CSMD2: variants seen among roughly 807,000 people sequenced by gnomAD.
CSMD2 encodes CUB and Sushi multiple domains 2.
Under a neutral mutation model 398.5 loss-of-function variants are expected in CSMD2, and 130 were observed. That is an observed-to-expected ratio of 0.33 (90% confidence interval 0.28 to 0.38). The LOEUF (loss-of-function observed/expected upper bound fraction) is 0.38, where lower values mean the gene tolerates loss of function less well. CSMD2 is among the 10% of genes least tolerant of loss of function. The pLI, the probability that CSMD2 is intolerant of heterozygous loss-of-function variation, is 1.00. For missense variants in CSMD2, 3,829 were observed against 4,764.9 expected, an observed-to-expected ratio of 0.80 and a Z score of 5.78; for synonymous variants, 1,828 against 1,908.5, an observed-to-expected ratio of 0.96 and a Z score of 1.10.
In CSMD2 at chr1:33,623,376, A is replaced by T. The variant is rs1042765213; in HGVS notation, c.5716T>A (p.Phe1906Ile). The T allele has an allele frequency of 6.2e-7, 1 of 1,613,848 alleles. No homozygotes were observed. Among genetic ancestry groups the T allele is most frequent in the African/African-American group, 1.3e-5 (1 of 74,922 alleles). ...ADNTVTMLGS[F>I]SGTTVPALLN... ...CCCTGGAAACCCAGCTTACCTGAGA[A>T]ACTCCCCAGCATGGTTACAGTGTTA... is the stretch of plus-strand genomic sequence containing the variant. The change falls in exon 36 of 71, where the codon TTC (phenylalanine) becomes ATC (isoleucine). Residue 1906 changes from phenylalanine (F) to isoleucine (I), a missense_variant. Physicochemically the swap from Phe to Ile is conservative, Grantham distance 21. Coordinates refer to ENST00000373381, the MANE Select transcript of CSMD2 (RefSeq NM_001281956.2).
In CSMD2 at chr1:34,113,998, C is replaced by T. The variant is rs139320174; in HGVS notation, c.188-24805G>A. Among the ~76,000 whole-genome samples the T allele has an allele frequency of 5.9e-3, 901 of 152,178 alleles. 14 individuals are homozygous for T. Among genetic ancestry groups the T allele is most frequent in the African/African-American group, 0.021 (858 of 41,506 alleles). ...GGTTTCTGTCTCACCTGACAGAAAC[C>T]AGAGTGCTGATGGGGAACCAGCATA... On this transcript the variant is annotated intron_variant, in intron 1 of 70. Transcript: ENST00000373381.
rs747120351 is a variant in CSMD2, at chr1:33,577,483, G to A, written c.7389C>T (p.Ala2463=). 41 of 1,605,434 alleles carry A rather than the reference G, an allele frequency of 2.6e-5. No individual in the cohort carries two copies. In the South Asian group the frequency reaches 4.2e-4, roughly 16 times the overall value. Residue 2463 remains alanine (A), a splice_region_variant and synonymous_variant, in exon 49 of 71, where the codon GCC becomes GCT. Coordinates refer to ENST00000373381, the MANE Select transcript of CSMD2 (RefSeq NM_001281956.2). ...GAGCCCTGGGCAGGCTGCAGTAAGG[G>A]GCTGAACAACAAGATGAGGTTCAGG... ...NRKGFKIRYS[A]PYCSLPRAPL...
At chr1:34,065,737 T>C (rs776978822) in intron 2 of CSMD2, among the ~76,000 whole-genome samples, 2 of 152,192 alleles carry the variant, frequency 1.3e-5, no homozygotes, top group African/African-American at 4.8e-5. Context: ...TCAAAAATAG[T>C]TTAAATTCCT....
At chr1:33,893,211 A>G (rs1642148991) in intron 5 of CSMD2, among the ~76,000 whole-genome samples, 1 of 152,186 alleles carries the variant, frequency 6.6e-6, no homozygotes, top group African/African-American at 2.4e-5. Flanking sequence ...AATTACTTAT[A>G]AGAAAGGAGG....
chr1:33,774,107 TTGTGTGTGTGTG>T lies in CSMD2; in HGVS notation c.1664-1368_1664-1357del, dbSNP rs61454614. ...AGGACAAGGCATTCTATGGCTGGGATTGTGTGTGTGTGTGTGTGTGTGTGTGTGTGTGTGTGT... is the reference window on the plus strand; with the variant it reads ...AGGACAAGGCATTCTATGGCTGGGATTGTGTGTGTGTGTGTGTGTGTGTGT... On this transcript the variant is annotated intron_variant, in intron 12 of 70. Coordinates refer to ENST00000373381, the MANE Select transcript of CSMD2 (RefSeq NM_001281956.2). 3.5e-3 allele frequency among the ~76,000 whole-genome samples: 497 copies of T among 141,702 alleles called. 1 individual carries two copies. The highest frequency in any genetic ancestry group is 0.011 in the Middle Eastern group (3 of 282). 93.0% of individuals were successfully genotyped at this position (141,702 alleles called of 152,430 possible).
At chr1:33,695,322 G>A (rs574127619) in intron 24 of CSMD2, among the ~76,000 whole-genome samples, 1 of 152,306 alleles carries the variant, frequency 6.6e-6, no homozygotes, top group African/African-American at 2.4e-5. Flanking sequence ...GAATTGCAGT[G>A]ATTATACATG....
At chr1:34,009,706 G>A (rs1647184220) in intron 3 of CSMD2, among the ~76,000 whole-genome samples, 1 of 152,028 alleles carries the variant, frequency 6.6e-6, no homozygotes, top group South Asian at 2.1e-4. Flanking sequence ...TCCATCAGGA[G>A]TTTCTTTCCA....
chr1:33,855,206 C>A (rs537566242), intron 5 of CSMD2, among the ~76,000 whole-genome samples: 35 of 152,218 alleles, frequency 2.3e-4, no homozygotes, highest in African/African-American at 7.7e-4. Context: ...TTATGAAGAC[C>A]AGAAGCCTTT....
intron 1 of CSMD2, among the ~76,000 whole-genome samples, chr1:34,129,520 C>T (rs935612054): frequency 5.3e-5 from 8 of 152,038 alleles, no homozygotes; most frequent in Non-Finnish European, 1.5e-5. Flanking sequence ...GGCATGGTGG[C>T]GGGCGCCTGT....
intron 3 of CSMD2, among the ~76,000 whole-genome samples, chr1:33,962,722 C>A (rs1385331191): frequency 1.3e-5 from 2 of 152,166 alleles, no homozygotes; most frequent in African/African-American, 4.8e-5. Flanking sequence ...CTTCCTCCCC[C>A]AAATCAGCAA....
intron 2 of CSMD2, among the ~76,000 whole-genome samples, chr1:34,055,374 G>C (rs867591757): frequency 1.3e-5 from 2 of 152,118 alleles, no homozygotes; most frequent in African/African-American, 2.4e-5. Flanking sequence ...TTATCTACCT[G>C]AAGTTAGCAT....
intron 1 of CSMD2, among the ~76,000 whole-genome samples, chr1:34,099,422 C>A (rs950831055): frequency 3.9e-5 from 6 of 152,226 alleles, no homozygotes; most frequent in African/African-American, 1.4e-4. Context: ...TAAGGGCCTC[C>A]CCGATTCGTG....
At chr1:33,761,244 A>T (rs571503701) in intron 13 of CSMD2, among the ~76,000 whole-genome samples, 1 of 152,234 alleles carries the variant, frequency 6.6e-6, no homozygotes, top group East Asian at 1.9e-4. Flanking sequence ...GGAAGTCCTG[A>T]TGACCCAGTC....
chr1:33,533,867 A>C lies in CSMD2; in HGVS notation c.9920T>G (p.Leu3307Arg). The change falls in exon 63 of 71, where the codon CTG (leucine) becomes CGG (arginine). Residue 3307 changes from leucine to arginine, a missense_variant. Physicochemically the swap from Leu to Arg is moderately radical, Grantham distance 102. Around this residue, in one of 5 missense-constraint regions of CSMD2, gnomAD observed 917 missense variants for 1,199.5 expected, o/e 0.76. Coordinates refer to ENST00000373381, the MANE Select transcript of CSMD2 (RefSeq NM_001281956.2). The surrounding 1 kb of genome is among the most constrained non-coding windows in gnomAD (Gnocchi z 4.2). ...TVLFRCQKGY[L>R]LQGSTTRTCL... The stretch of plus-strand genomic sequence containing the variant: ...GGTCCTGGTGGTGGAGCCCTGAAGC[A>C]GGTAGCCTTTTTGACAACGGAAGAG... 6.2e-7 allele frequency: 1 copy of C among 1,614,142 alleles called. No homozygotes were observed. The highest frequency in any genetic ancestry group is 1.1e-5 in the South Asian group (1 of 91,076).
chr1:33,537,734 G>C lies in CSMD2; in HGVS notation c.9632-125C>G, dbSNP rs994091668. ...TGGTTGAGCTTGAACTCTGGGAACC[G>C]GGGCAGCCCCAGGTAGGTGCTTCCA... is the stretch of plus-strand genomic sequence containing the variant. On this transcript the variant is annotated intron_variant, in intron 60 of 70. Transcript: ENST00000373381. This position sits in a 1 kb window ranked among gnomAD's most constrained non-coding sequence, Gnocchi z 4.6. 17 of 1,038,152 alleles carry C rather than the reference G, an allele frequency of 1.6e-5. No individual in the cohort carries two copies. Among genetic ancestry groups the C allele is most frequent in the Non-Finnish European group, 2.0e-5 (15 of 745,616 alleles). The allele number at this position is 1,038,152 out of a possible 1,614,324, so 64.3% of individuals were successfully genotyped here.
Position 33,558,435 on chromosome 1 carries a change from G to C in CSMD2, c.8555-513C>G, listed in dbSNP as rs531586043. Among the ~76,000 whole-genome samples, 17 of 152,296 alleles carry C rather than the reference G, an allele frequency of 1.1e-4. No individual in the cohort carries two copies. The South Asian group carries it at 1.5e-3, about 13-fold the overall frequency. ...TATATTTGACTTTAAAATCTTAAAA[G>C]TGTTTCCAAAGCAGCTTAACTCAAA... is the stretch of plus-strand genomic sequence containing the variant. On this transcript the variant is annotated intron_variant, in intron 54 of 70. Coordinates refer to ENST00000373381, the MANE Select transcript of CSMD2 (RefSeq NM_001281956.2).
At chr1:33,853,596 T>C (rs1638864339) in intron 5 of CSMD2, among the ~76,000 whole-genome samples, 1 of 150,750 alleles carries the variant, frequency 6.6e-6, no homozygotes, top group Admixed American at 6.6e-5. Context: ...CCCAACTGAA[T>C]CTCGGAAAGT....
At chr1:33,730,846 C>A (rs183997742) in intron 15 of CSMD2, among the ~76,000 whole-genome samples, 1 of 152,106 alleles carries the variant, frequency 6.6e-6, no homozygotes, top group Non-Finnish European at 1.5e-5. Flanking sequence ...AAACCCATGA[C>A]GAATTTTCTT....
chr1:33,815,943 A>G (rs1431492306), intron 9 of CSMD2, among the ~76,000 whole-genome samples: 1 of 152,214 alleles, frequency 6.6e-6, no homozygotes, highest in African/African-American at 2.4e-5. Flanking sequence ...CTGGATAACA[A>G]TTATGTTTAA....
Sources: allele counts gnomAD v4.1 joint callset (sites outside exome capture counted in the v4.1 genomes callset), GRCh38; gene constraint gnomAD v4.1.1; regional missense constraint gnomAD v4.1.1; non-coding constraint Gnocchi (gnomAD v3.1); transcripts MANE v1.5; gene names NCBI Gene and HGNC (gene_info 2026-07-23, HGNC 2026-07-21).